Variants in CCDC178 observed in about 807,000 individuals in gnomAD.
The protein encoded by CCDC178 is coiled-coil domain containing 178.
CCDC178 carries 126 observed loss-of-function variants against 117.4 expected under a neutral mutation model. The observed-to-expected ratio is 1.07, with a 90% CI of 0.93 to 1.24. The LOEUF (loss-of-function observed/expected upper bound fraction) is 1.24, where lower values mean the gene tolerates loss of function less well. Ranked by LOEUF, CCDC178 falls within the 50% of genes most tolerant of loss-of-function variation. The pLI is 0.00. For missense variants in CCDC178, 1,030 were observed against 986.9 expected (o/e 1.04, Z -0.59); for synonymous variants, 283 against 313.4 (o/e 0.90, Z 1.02).
At chr18:33,358,768 A>C (rs1355449040) in intron 6 of CCDC178, among the ~76,000 whole-genome samples, 2 of 151,868 alleles carry the variant, frequency 1.3e-5, no homozygotes, top group South Asian at 2.1e-4. Flanking sequence ...TAAAGTGATA[A>C]ATTTAATTAC....
intron 6 of CCDC178, among the ~76,000 whole-genome samples, chr18:33,367,543 ATAT>A (rs1326414770): frequency 2.0e-5 from 3 of 152,018 alleles, no homozygotes; most frequent in Admixed American, 1.3e-4. Context: ...TTTTTTGGTA[ATAT>A]TATCACTTTT....
intron 21 of CCDC178, among the ~76,000 whole-genome samples, chr18:33,014,081 C>T (rs1329792931): frequency 6.6e-6 from 1 of 152,190 alleles, no homozygotes; most frequent in East Asian, 1.9e-4. Flanking sequence ...CTTTGTAATG[C>T]TCTAGCTTGC....
chr18:33,304,672 C>T (rs1369301731), intron 11 of CCDC178, among the ~76,000 whole-genome samples: 2 of 152,044 alleles, frequency 1.3e-5, no homozygotes, highest in African/African-American at 4.8e-5. Flanking sequence ...TAAAAAGTTC[C>T]CTTTGTAACT....
intron 20 of CCDC178, among the ~76,000 whole-genome samples, chr18:33,186,813 C>A (rs749053937): frequency 1.3e-5 from 2 of 151,948 alleles, no homozygotes; most frequent in Admixed American, 1.3e-4. Flanking sequence ...GTGACCAATA[C>A]GTTAACTGGT....
At position 33,433,811 on chromosome 18, in the gene CCDC178, T is replaced by TGG. The variant is rs1226134410; in HGVS notation, c.-23+6149_-23+6150dup. 2.0e-5 allele frequency among the ~76,000 whole-genome samples: 3 copies of TGG among 151,244 alleles called. No homozygotes were observed. In the East Asian group the frequency reaches 5.8e-4, roughly 29 times the overall value. On this transcript the variant is annotated intron_variant, in intron 2 of 22. Coordinates refer to ENST00000383096, the MANE Select transcript of CCDC178 (RefSeq NM_001105528.4). ...GAATTTGTGTGTGTGTGTGTGTGTG[T>TGG]GGAAAGATATTTTCTTATACGTTTC...
intron 21 of CCDC178, among the ~76,000 whole-genome samples, chr18:33,061,510 A>G (rs2056919543): frequency 6.6e-6 from 1 of 152,168 alleles, no homozygotes. Context: ...AAGTGATTTG[A>G]AATGCTTCCT....
At chr18:33,276,707 G>C (rs2059954863) in intron 12 of CCDC178, among the ~76,000 whole-genome samples, 1 of 152,068 alleles carries the variant, frequency 6.6e-6, no homozygotes, top group African/African-American at 2.4e-5. Flanking sequence ...GTGACCTAAG[G>C]CTTAATGGTG....
chr18:33,387,565 C>A (rs1261105280), intron 5 of CCDC178, among the ~76,000 whole-genome samples: 1 of 152,144 alleles, frequency 6.6e-6, no homozygotes. Context: ...CGCACATCTA[C>A]AACCATCTGA....
chr18:33,016,613 A>G (rs2055996593), intron 21 of CCDC178, among the ~76,000 whole-genome samples: 1 of 152,052 alleles, frequency 6.6e-6, no homozygotes, highest in Non-Finnish European at 1.5e-5. Context: ...GTATGACAGT[A>G]ACAGAGAAAA....
chr18:33,018,550 A>G (rs1171595001), intron 21 of CCDC178, among the ~76,000 whole-genome samples: 1 of 152,132 alleles, frequency 6.6e-6, no homozygotes, highest in African/African-American at 2.4e-5. Context: ...GAAATGTTCA[A>G]CAAACAAAAA....
intron 21 of CCDC178, among the ~76,000 whole-genome samples, chr18:32,988,707 A>G (rs1206236218): frequency 1.3e-5 from 2 of 152,050 alleles, no homozygotes; most frequent in East Asian, 1.9e-4. Context: ...GTTCTTAGGA[A>G]AGACCAATAA....
intron 21 of CCDC178, among the ~76,000 whole-genome samples, chr18:33,039,514 A>C (rs371542960): frequency 1.3e-5 from 2 of 152,042 alleles, no homozygotes; most frequent in African/African-American, 4.8e-5. Flanking sequence ...GGAAGCCTGC[A>C]TGAGGCCCCT....
At chr18:33,381,243 C>T (rs1359780498) in intron 5 of CCDC178, among the ~76,000 whole-genome samples, 1 of 152,066 alleles carries the variant, frequency 6.6e-6, no homozygotes. Flanking sequence ...TTTCTAAGTG[C>T]CTGGAGAGCC....
rs187105444 is a variant in CCDC178, at chr18:33,403,654, T to C, written c.59-6446A>G. ...AAAGCTGAACGGAAATACTCAACAATTTTTCTTAGGTCCATCAGTGAATTA... is the reference window on the plus strand; with the variant it reads ...AAAGCTGAACGGAAATACTCAACAACTTTTCTTAGGTCCATCAGTGAATTA... On this transcript the variant is annotated intron_variant, in intron 3 of 22. Transcript: ENST00000383096. Among the ~76,000 whole-genome samples, 541 of 152,300 alleles carry C rather than the reference T, an allele frequency of 3.6e-3. 2 individuals are homozygous for C. The highest frequency in any genetic ancestry group is 0.012 in the African/African-American group (517 of 41,570).
chr18:33,126,644 C>T lies in CCDC178; in HGVS notation c.2239-33734G>A, dbSNP rs2058008221. ...GCGTGGTTTTCATGTCTTGCAAGTA[C>T]TGAATTTTATTTTTACTGTTTATTT... is the stretch of plus-strand genomic sequence containing the variant. On this transcript the variant is annotated intron_variant, in intron 20 of 22. Coordinates refer to ENST00000383096, the MANE Select transcript of CCDC178 (RefSeq NM_001105528.4). Among the ~76,000 whole-genome samples, 4 of 151,582 alleles carry T rather than the reference C, an allele frequency of 2.6e-5. No individual in the cohort carries two copies. In the South Asian group the frequency reaches 8.3e-4, roughly 32 times the overall value.
At chr18:33,386,702 T>C (rs899971468) in intron 5 of CCDC178, among the ~76,000 whole-genome samples, 2 of 152,142 alleles carry the variant, frequency 1.3e-5, no homozygotes, top group Non-Finnish European at 2.9e-5. Flanking sequence ...AATTAGGTAT[T>C]GAAGGAACAT....
chr18:33,440,865 C>A, upstream of CCDC178: 1 of 153,042 alleles, frequency 6.5e-6, no homozygotes, highest in South Asian at 2.1e-4. Flanking sequence ...GATCAGCGCT[C>A]CAGGCCGCCC....
intron 21 of CCDC178, among the ~76,000 whole-genome samples, chr18:33,022,822 A>G (rs1270076349): frequency 2.6e-5 from 4 of 152,104 alleles, no homozygotes; most frequent in African/African-American, 7.2e-5. Context: ...ACATGACTCA[A>G]CTATGTACTG....
At chr18:32,938,348 T>G (rs2054166062) in intron 22 of CCDC178, 1 of 363,202 alleles carries the variant, frequency 2.8e-6, no homozygotes, top group East Asian at 4.6e-5. Flanking sequence ...ATTATTCTAC[T>G]GCTTTAGAGA....
Sources: gnomAD v4.1 joint callset for allele counts (sites outside exome capture counted in the v4.1 genomes callset) on GRCh38, gnomAD v4.1.1 for gene constraint, MANE v1.5 for transcripts, NCBI Gene and HGNC (gene_info 2026-07-23, HGNC 2026-07-21) for gene names.